Variants in ZNF320 observed in about 807,000 individuals in gnomAD.
The protein encoded by ZNF320 is zinc finger gene 320.
Under a neutral mutation model 6.8 loss-of-function variants are expected in ZNF320, and 2 were observed. The ratio of observed to expected loss-of-function variants is 0.29; its 90% CI spans 0.12 to 0.93. The LOEUF is 0.93. ZNF320 is among the 40% of genes least tolerant of loss of function. The pLI, the probability that ZNF320 is intolerant of heterozygous loss-of-function variation, is 0.55. For missense variants in ZNF320, 472 were observed against 611.0 expected (o/e 0.77, Z 2.40); for synonymous variants, 208 against 203.2 (o/e 1.02, Z -0.20).
At position 52,877,198 on chromosome 19, in the gene ZNF320, A is replaced by C. The variant is rs2063789190; in HGVS notation, c.*3398T>G. On this transcript the variant is annotated 3_prime_UTR_variant, in exon 6 of 6. Coordinates refer to ENST00000682928, the MANE Select transcript of ZNF320 (RefSeq NM_001351774.2). Reference sequence around the variant, plus strand: ...TTAACACGAACCTCAGGAGGTCCTGATGACGTGTGTCCATGGTGTTGAGGC... The same window carrying C: ...TTAACACGAACCTCAGGAGGTCCTGCTGACGTGTGTCCATGGTGTTGAGGC... 1.3e-5 allele frequency: 2 copies of C among 152,264 alleles called. No homozygotes were observed. The highest frequency in any genetic ancestry group is 4.1e-4 in the South Asian group (2 of 4,832). 9.4% of individuals were successfully genotyped at this position (152,264 alleles called of 1,614,324 possible).
upstream of ZNF320, among the ~76,000 whole-genome samples, chr19:52,901,695 G>A (rs146331637): frequency 6.1e-3 from 930 of 152,274 alleles, 10 homozygotes; most frequent in African/African-American, 0.02. Flanking sequence ...TTAGTCTAGC[G>A]TTTATTAGCT....
At chr19:52,870,409 C>G (rs958489748) in intron 5 of ZNF320, among the ~76,000 whole-genome samples, 2 of 144,048 alleles carry the variant, frequency 1.4e-5, no homozygotes, top group Non-Finnish European at 3.0e-5. Context: ...AACCTGGAGG[C>G]GGAGCTTGCA....
At chr19:52,887,008 A>AGGAAGGAAGGAAGGAAGGAAGG (rs1555821347) in intron 5 of ZNF320, among the ~76,000 whole-genome samples, 6 of 106,964 alleles carry the variant, frequency 5.6e-5, no homozygotes, top group South Asian at 5.5e-4. Context: ...GAAGGAAGGA[A>AGGAAGGAAGGAAGGAAGGAAGG]AAGAAAAAAC....
At chr19:52,888,700 A>G (rs1218304756) in intron 4 of ZNF320, among the ~76,000 whole-genome samples, 1 of 152,146 alleles carries the variant, frequency 6.6e-6, no homozygotes, top group Non-Finnish European at 1.5e-5. Flanking sequence ...TGTTCACAAA[A>G]TAATAAAACC....
intron 5 of ZNF320, among the ~76,000 whole-genome samples, chr19:52,883,486 A>G (rs1402368113): frequency 6.6e-6 from 1 of 152,186 alleles, no homozygotes; most frequent in Non-Finnish European, 1.5e-5. Flanking sequence ...ATTCCCTCTT[A>G]AGAAAAAGGC....
chr19:52,900,354 A>C (rs2064567523), upstream of ZNF320, among the ~76,000 whole-genome samples: 1 of 152,192 alleles, frequency 6.6e-6, no homozygotes, highest in Non-Finnish European at 1.5e-5. Context: ...GCTATGCAAT[A>C]CCGTCTAATA....
chr19:52,886,563 A>G (rs1013960494), intron 5 of ZNF320, among the ~76,000 whole-genome samples: 1 of 152,224 alleles, frequency 6.6e-6, no homozygotes, highest in Non-Finnish European at 1.5e-5. Flanking sequence ...AATGGACACT[A>G]ATGTGGTTGT....
At chr19:52,896,351 A>G (rs1469639549) in intron 1 of ZNF320, among the ~76,000 whole-genome samples, 1 of 152,196 alleles carries the variant, frequency 6.6e-6, no homozygotes, top group Non-Finnish European at 1.5e-5. Context: ...TTGGCCTCCC[A>G]AAGTGCTGGG....
At chr19:52,886,057 CACAAAAATAACTCTG>C (rs1231574313) in intron 5 of ZNF320, among the ~76,000 whole-genome samples, 1 of 151,976 alleles carries the variant, frequency 6.6e-6, no homozygotes, top group African/African-American at 2.4e-5. Flanking sequence ...ATGCAACATA[CACAAAAATAACTCTG>C]ACAAAAATAA....
the ZNF320 span, among the ~76,000 whole-genome samples, chr19:52,902,796 T>A: frequency 6.6e-6 from 1 of 152,184 alleles, no homozygotes; most frequent in South Asian, 2.1e-4. Context: ...GTAGACTCTT[T>A]TTAACTTTTT....
chr19:52,885,692 G>A (rs1409146710), intron 5 of ZNF320, among the ~76,000 whole-genome samples: 1 of 151,542 alleles, frequency 6.6e-6, no homozygotes, highest in Non-Finnish European at 1.5e-5. Flanking sequence ...CTCCAGCCTG[G>A]GAAACAGGAG....
At chr19:52,875,565 C>T (rs1203967063), downstream of ZNF320, among the ~76,000 whole-genome samples, 1 of 152,128 alleles carries the variant, frequency 6.6e-6, no homozygotes, top group Non-Finnish European at 1.5e-5. Flanking sequence ...AAAGGAAAAG[C>T]CACACACTAT....
chr19:52,879,421 TA>T lies in ZNF320; in HGVS notation c.*1174del. 1 of 166,954 alleles carries T rather than the reference TA, an allele frequency of 6.0e-6. No individual in the cohort carries two copies. The highest frequency in any genetic ancestry group is 1.3e-5 in the Non-Finnish European group (1 of 77,972). 10.3% of individuals were successfully genotyped at this position (166,954 alleles called of 1,614,324 possible). ...CAACATCCAGTCATCATGGAAATCC[TA>T]AACAAAATAGAAAGAGAAGGAAATT... is the stretch of plus-strand genomic sequence containing the variant. On this transcript the variant is annotated 3_prime_UTR_variant, in exon 6 of 6. Transcript: ENST00000682928.
intron 1 of ZNF320, chr19:52,895,741 C>T (rs924583282): frequency 8.6e-5 from 13 of 151,852 alleles, no homozygotes; most frequent in African/African-American, 3.1e-4. Context: ...ACCCAAAAGA[C>T]GGAGGTTGCA....
At position 52,890,211 on chromosome 19, in the gene ZNF320, C is replaced by G. The variant is rs200758110; in HGVS notation, c.15+30G>C. On this transcript the variant is annotated intron_variant, in intron 4 of 5. Transcript: ENST00000682928. ...GCCAGCATTTCTGAAAGGAAGGAGA[C>G]AGAACAATCCACCGAGAATATCATC... 6 of 1,605,492 alleles carry G rather than the reference C, an allele frequency of 3.7e-6. No individual in the cohort carries two copies. In the African/African-American group the frequency reaches 8.0e-5, roughly 22 times the overall value.
chr19:52,866,702 C>G (rs2063578828), intron 5 of ZNF320, among the ~76,000 whole-genome samples: 1 of 151,932 alleles, frequency 6.6e-6, no homozygotes, highest in Non-Finnish European at 1.5e-5. Context: ...GAAACGCCAT[C>G]TCTACTAAAA....
intron 5 of ZNF320, among the ~76,000 whole-genome samples, chr19:52,868,758 ACAAG>A (rs540185228): frequency 2.0e-5 from 3 of 152,254 alleles, no homozygotes. Context: ...CAAGGGGGAT[ACAAG>A]CAAGGGCTGA....
intron 5 of ZNF320, among the ~76,000 whole-genome samples, chr19:52,867,595 C>G (rs1027957893): frequency 1.3e-5 from 2 of 151,950 alleles, no homozygotes; most frequent in Admixed American, 1.3e-4. Context: ...AGGACCAGTG[C>G]TTTTATTTTT....
At chr19:52,894,352 C>T (rs2064404682) in intron 1 of ZNF320, 1 of 150,278 alleles carries the variant, frequency 6.7e-6, no homozygotes, top group Admixed American at 6.7e-5. Flanking sequence ...CCACTGTACT[C>T]CAGCCTGGGT....
Sources: gnomAD v4.1 joint callset for allele counts (sites outside exome capture counted in the v4.1 genomes callset) on GRCh38, gnomAD v4.1.1 for gene constraint, MANE v1.5 for transcripts, NCBI Gene and HGNC (gene_info 2026-07-23, HGNC 2026-07-21) for gene names.